Variants in PLS3 observed in about 807,000 individuals in gnomAD.
PLS3 encodes plastin-3.
PLS3 carries 11 observed loss-of-function variants against 46.5 expected under a neutral mutation model. The ratio of observed to expected loss-of-function variants is 0.24; its 90% CI spans 0.15 to 0.39. The LOEUF (loss-of-function observed/expected upper bound fraction) is 0.39, where lower values mean the gene tolerates loss of function less well. Among genes scored for constraint, PLS3 ranks in the 10% least tolerant of loss-of-function variants. The pLI is 1.00. For missense variants in PLS3, 308 were observed against 461.8 expected (o/e 0.67, Z 3.05); for synonymous variants, 167 against 162.2 (o/e 1.03, Z -0.22).
intron 15 of PLS3, 26 bp downstream of exon 15, chrX:115,648,043 A>G (rs1432468926): frequency 7.4e-6 from 8 of 1,080,403 alleles, no homozygotes; most frequent in Non-Finnish European, 1.0e-5. Flanking sequence ...AATAGTATGA[A>G]AAGAACGCAG....
At chrX:115,644,102 T>C (rs1417213555) in intron 10 of PLS3, among the ~76,000 whole-genome samples, 1 of 111,647 alleles carries the variant, frequency 9.0e-6, no homozygotes, top group Non-Finnish European at 1.9e-5. Flanking sequence ...AGTGCACATA[T>C]GCATTCAGTT....
chrX:115,589,107 A>G (rs1366882966), intron 1 of PLS3, among the ~76,000 whole-genome samples: 1 of 110,682 alleles, frequency 9.0e-6, no homozygotes, highest in Non-Finnish European at 1.9e-5. Context: ...AGCTGGGACT[A>G]CAGGCGACAG....
intron 1 of PLS3, among the ~76,000 whole-genome samples, chrX:115,591,176 C>T (rs1347919425): frequency 8.9e-6 from 1 of 112,621 alleles, no homozygotes; most frequent in Non-Finnish European, 1.9e-5. Context: ...TATGTCCTAC[C>T]TAGCATTTAC....
chrX:115,601,492 G>A (rs935935575), intron 1 of PLS3, among the ~76,000 whole-genome samples: 11 of 108,855 alleles, frequency 1.0e-4, no homozygotes, highest in Non-Finnish European at 2.1e-4. Context: ...GTGGGGTTGG[G>A]GGAGGGGGAA....
rs782619395 is a variant in PLS3 at position 115,647,901 on chromosome X, G to A, written c.1644G>A (p.Thr548=). 2.9e-5 allele frequency: 35 copies of A among 1,200,762 alleles called. No individual in the cohort carries two copies. The highest frequency in any genetic ancestry group is 3.8e-5 in the Non-Finnish European group (34 of 887,142). Residue 548 remains threonine, a synonymous_variant, in exon 15 of 16, where the codon ACG becomes ACA. Coordinates refer to ENST00000355899, the MANE Select transcript of PLS3 (RefSeq NM_005032.7). ...TTCTCCTTTCACACTAGGACAAGAC[G>A]ATCAGCTCCAGTTTGGCAGTTGTGG... ...STSIQSFKDK[T]ISSSLAVVDL... is the part of the protein sequence containing the mutation.
chrX:115,602,924 G>A (rs185378190), intron 1 of PLS3, among the ~76,000 whole-genome samples: 4 of 110,152 alleles, frequency 3.6e-5, no homozygotes, highest in Non-Finnish European at 5.7e-5. Flanking sequence ...AGTTTCCCAC[G>A]TGCATTCTCT....
intron 1 of PLS3, among the ~76,000 whole-genome samples, chrX:115,573,735 G>A (rs1474955499): frequency 9.0e-6 from 1 of 110,988 alleles, no homozygotes; most frequent in Non-Finnish European, 1.9e-5. Context: ...ATGGAGTATC[G>A]CTCTGTTGCC....
chrX:115,611,467 T>G (rs1484049438), intron 2 of PLS3, among the ~76,000 whole-genome samples: 1 of 106,955 alleles, frequency 9.3e-6, no homozygotes, highest in African/African-American at 3.4e-5. Flanking sequence ...GCTGCAAGAG[T>G]TTTTTTTTTT....
intron 8 of PLS3, 191 bp from the exon 9 acceptor site, chrX:115,640,217 A>G (rs2074880898): frequency 6.8e-6 from 5 of 738,532 alleles, no homozygotes; most frequent in Non-Finnish European, 1.0e-5. Flanking sequence ...AATCCAGTTC[A>G]TCCATATGCA....
At chrX:115,609,015 C>G (rs935667516) in intron 1 of PLS3, among the ~76,000 whole-genome samples, 1 of 109,471 alleles carries the variant, frequency 9.1e-6, no homozygotes, top group Non-Finnish European at 1.9e-5. Context: ...CGGGAGGATC[C>G]CTTGATCCCA....
chrX:115,574,648 C>T (rs1274198020), intron 1 of PLS3, among the ~76,000 whole-genome samples: 2 of 110,416 alleles, frequency 1.8e-5, no homozygotes, highest in African/African-American at 6.6e-5. Flanking sequence ...GGCACGATCT[C>T]GGCTCACCGT....
At chrX:115,601,768 T>A (rs1452459128) in intron 1 of PLS3, among the ~76,000 whole-genome samples, 3 of 111,876 alleles carry the variant, frequency 2.7e-5, no homozygotes, top group Admixed American at 1.9e-4. Flanking sequence ...TGATCCTCCC[T>A]TTGTTTTTTA....
At chrX:115,614,225 T>C in intron 2 of PLS3, 1 of 440,636 alleles carries the variant, frequency 2.3e-6, no homozygotes, top group Non-Finnish European at 2.8e-6. Flanking sequence ...CGTCTCGGCC[T>C]CCCAAAGTGC....
At chrX:115,624,739 A>G (rs1569528294) in intron 3 of PLS3, among the ~76,000 whole-genome samples, 1 of 112,269 alleles carries the variant, frequency 8.9e-6, no homozygotes, top group Non-Finnish European at 1.9e-5. Context: ...TTTAAAAGTA[A>G]AGAACATGCA....
intron 1 of PLS3, among the ~76,000 whole-genome samples, chrX:115,570,537 T>A (rs112339061): frequency 0.013 from 1,264 of 98,837 alleles, 29 homozygotes; most frequent in African/African-American, 0.046. Context: ...AGAGTCTTGC[T>A]TTGTCGCCCA....
chrX:115,636,229 C>T (rs374113979), intron 7 of PLS3, among the ~76,000 whole-genome samples: 1,212 of 83,065 alleles, frequency 0.015, 33 homozygotes, highest in African/African-American at 0.055. Flanking sequence ...TTTTTTGAGA[C>T]GGAGTCTCGC....
intron 2 of PLS3, among the ~76,000 whole-genome samples, chrX:115,616,297 C>A (rs975504696): frequency 8.9e-6 from 1 of 111,881 alleles, no homozygotes; most frequent in African/African-American, 3.2e-5. Context: ...CCACATTATT[C>A]TTATTCTCAT....
Position 115,649,588 on chromosome X carries a change from T to C in PLS3, c.*27T>C, listed in dbSNP as rs782726732. On this transcript the variant is annotated 3_prime_UTR_variant, in exon 16 of 16. Coordinates refer to ENST00000355899, the MANE Select transcript of PLS3 (RefSeq NM_005032.7). ...ATAACCAATCTGAATAAAACAGCCA[T>C]GCTCCCAGGTGCATGATTCGCAGGT... is the stretch of plus-strand genomic sequence containing the variant. 7 of 1,173,490 alleles carry C rather than the reference T, an allele frequency of 6.0e-6. No homozygotes were observed. In the African/African-American group the frequency reaches 1.1e-4, roughly 18 times the overall value.
At chrX:115,608,144 C>G (rs781962127) in intron 1 of PLS3, among the ~76,000 whole-genome samples, 31 of 111,484 alleles carry the variant, frequency 2.8e-4, no homozygotes, top group African/African-American at 9.8e-4. Context: ...GTGATAAATT[C>G]TAGAAATAGC....
Sources: gnomAD v4.1 joint callset for allele counts (sites outside exome capture counted in the v4.1 genomes callset) on GRCh38, gnomAD v4.1.1 for gene constraint, MANE v1.5 for transcripts, NCBI Gene and HGNC (gene_info 2026-07-23, HGNC 2026-07-21) for gene names.